NKAIN2: variants seen among roughly 807,000 people sequenced by gnomAD.
NKAIN2 encodes sodium/potassium-transporting ATPase subunit beta-1-interacting protein 2.
Under a neutral mutation model 32.6 loss-of-function variants are expected in NKAIN2, and 14 were observed. That is an observed-to-expected ratio of 0.43 (90% CI 0.28 to 0.67). The LOEUF (loss-of-function observed/expected upper bound fraction) is 0.67, where lower values mean the gene tolerates loss of function less well. Among genes scored for constraint, NKAIN2 ranks in the 30% least tolerant of loss-of-function variants. The pLI, the probability that NKAIN2 is intolerant of heterozygous loss-of-function variation, is 0.17. For synonymous variants in NKAIN2, 80 were observed against 87.2 expected (o/e 0.92, Z 0.46); for missense variants, 198 against 258.3 (o/e 0.77, Z 1.60).
chr6:124,398,372 G>T (rs1041181961), intron 3 of NKAIN2, among the ~76,000 whole-genome samples: 2 of 151,740 alleles, frequency 1.3e-5, no homozygotes, highest in African/African-American at 4.8e-5. Flanking sequence ...TGAGACGATG[G>T]CAGGATTCCA....
intron 1 of NKAIN2, among the ~76,000 whole-genome samples, chr6:124,214,973 C>T (rs369811790): frequency 2.7e-4 from 41 of 151,250 alleles, no homozygotes; most frequent in African/African-American, 8.5e-4. Flanking sequence ...GAAAAGCTGC[C>T]GATATATGAG....
At chr6:123,933,782 T>C (rs913302139) in intron 1 of NKAIN2, among the ~76,000 whole-genome samples, 4 of 152,234 alleles carry the variant, frequency 2.6e-5, no homozygotes, top group African/African-American at 4.8e-5. Flanking sequence ...TACCTTGTAC[T>C]CACTTTGAGT....
chr6:124,510,755 C>A (rs1215053601), intron 3 of NKAIN2, among the ~76,000 whole-genome samples: 1 of 152,006 alleles, frequency 6.6e-6, no homozygotes, highest in Non-Finnish European at 1.5e-5. Flanking sequence ...CTTCTTGTTA[C>A]AATTATTTTT....
chr6:124,625,356 A>G (rs894277451), intron 3 of NKAIN2, among the ~76,000 whole-genome samples: 3 of 152,120 alleles, frequency 2.0e-5, no homozygotes, highest in African/African-American at 7.2e-5. Context: ...TCTCACTGCC[A>G]CAGCAGGGGA....
chr6:124,566,706 A>G (rs572151122), intron 3 of NKAIN2, among the ~76,000 whole-genome samples: 3 of 152,160 alleles, frequency 2.0e-5, no homozygotes, highest in Non-Finnish European at 4.4e-5. Context: ...TCTTAATTTT[A>G]ATATACTAAT....
intron 3 of NKAIN2, among the ~76,000 whole-genome samples, chr6:124,558,915 C>T (rs193297894): frequency 6.6e-6 from 1 of 152,168 alleles, no homozygotes; most frequent in East Asian, 1.9e-4. Context: ...TACCATTGCG[C>T]TCCAGCTTGG....
At chr6:124,050,191 A>G (rs1276844487) in intron 1 of NKAIN2, among the ~76,000 whole-genome samples, 1 of 152,010 alleles carries the variant, frequency 6.6e-6, no homozygotes, top group African/African-American at 2.4e-5. Flanking sequence ...TGAAATGTTT[A>G]CCTTGACCCC....
chr6:124,271,819 T>C (rs923726114), intron 1 of NKAIN2, among the ~76,000 whole-genome samples: 3 of 152,150 alleles, frequency 2.0e-5, no homozygotes, highest in African/African-American at 7.2e-5. Flanking sequence ...GAGGAACTTA[T>C]TGGGAACTGG....
In NKAIN2 at chr6:124,075,159, C is replaced by G. The variant is rs994378230; in HGVS notation, c.55-207846C>G. ...ATCAGAGAAAAACTTCTGTTATTGT[C>G]GTTAAGTCTATAAACCTATTGGAAA... On this transcript the variant is annotated intron_variant, in intron 1 of 6. Coordinates refer to ENST00000368417, the MANE Select transcript of NKAIN2 (RefSeq NM_001040214.3). 3.7e-4 allele frequency among the ~76,000 whole-genome samples: 57 copies of G among 152,024 alleles called. 2 individuals carry two copies.
chr6:124,804,184 C>T (rs753650113), intron 5 of NKAIN2, among the ~76,000 whole-genome samples: 1 of 152,138 alleles, frequency 6.6e-6, no homozygotes. Flanking sequence ...ATATCAAGTA[C>T]TGGCATTATA....
chr6:124,415,621 G>A (rs1300916048), intron 3 of NKAIN2, among the ~76,000 whole-genome samples: 1 of 152,074 alleles, frequency 6.6e-6, no homozygotes, highest in Non-Finnish European at 1.5e-5. Context: ...CTAGATGATT[G>A]GAGGGTGAGA....
At position 123,804,066 on chromosome 6, in the gene NKAIN2, G is replaced by GGCA. The variant is rs755506777; in HGVS notation, c.-123_-121dup. ...AATGCCTGTCACTTCCCAGGACGCTGGCAGCAGCAGCAGCCCGGAGCCCCC... is the reference window on the plus strand; with the variant it reads ...AATGCCTGTCACTTCCCAGGACGCTGGCAGCAGCAGCAGCAGCCCGGAGCCCCC... On this transcript the variant is annotated 5_prime_UTR_variant, in exon 1 of 7. Transcript: ENST00000368417. The GGCA allele has an allele frequency of 1.5e-4, 125 of 833,148 alleles. No individual in the cohort carries two copies. The highest frequency in any genetic ancestry group is 8.2e-4 in the East Asian group (34 of 41,294). 51.6% of individuals were successfully genotyped at this position (833,148 alleles called of 1,614,324 possible). A position where few individuals can be genotyped will look rare whatever the true frequency, so the allele number is the denominator to read the frequency against.
intron 3 of NKAIN2, among the ~76,000 whole-genome samples, chr6:124,548,142 C>G (rs1780162152): frequency 2.0e-5 from 3 of 152,070 alleles, no homozygotes; most frequent in African/African-American, 7.2e-5. Context: ...GCAAAACTCA[C>G]CAAGGAATTG....
intron 1 of NKAIN2, among the ~76,000 whole-genome samples, chr6:123,855,180 A>T (rs1336410786): frequency 1.3e-5 from 2 of 152,232 alleles, no homozygotes; most frequent in African/African-American, 2.4e-5. Context: ...TGGGTTTTAA[A>T]TTTATCGCAT....
At chr6:123,818,354 AACACACACACACACAC>A (rs36066775) in intron 1 of NKAIN2, among the ~76,000 whole-genome samples, 3,327 of 144,606 alleles carry the variant, frequency 0.023, 126 homozygotes, top group African/African-American at 0.078. Flanking sequence ...TTCTTGTGGA[AACACACACACACACAC>A]ACACACACAC....
chr6:124,585,104 C>T (rs1030897763), intron 3 of NKAIN2, among the ~76,000 whole-genome samples: 9 of 152,148 alleles, frequency 5.9e-5, no homozygotes, highest in African/African-American at 2.2e-4. Context: ...GGTATTTATA[C>T]ACGATGGAGT....
At chr6:124,665,370 A>G (rs1772738119) in intron 4 of NKAIN2, among the ~76,000 whole-genome samples, 1 of 152,182 alleles carries the variant, frequency 6.6e-6, no homozygotes, top group African/African-American at 2.4e-5. Flanking sequence ...TGGTCAGCTG[A>G]TCTTCAACAA....
chr6:124,657,749 T>C lies in NKAIN2; in HGVS notation c.274-437T>C, dbSNP rs1431502027. 2.6e-5 allele frequency among the ~76,000 whole-genome samples: 4 copies of C among 151,904 alleles called. No individual in the cohort carries two copies. The East Asian group carries it at 7.7e-4, about 29-fold the overall frequency. Reference sequence around the variant, plus strand: ...TGTTAAATGTTGCAGAATTGAAGTATAGCTTTAAGATTTAAAATGTGTGAA... The same window carrying C: ...TGTTAAATGTTGCAGAATTGAAGTACAGCTTTAAGATTTAAAATGTGTGAA... On this transcript the variant is annotated intron_variant, in intron 3 of 6. Transcript: ENST00000368417.
At chr6:124,157,992 A>G (rs1788073577) in intron 1 of NKAIN2, among the ~76,000 whole-genome samples, 1 of 152,210 alleles carries the variant, frequency 6.6e-6, no homozygotes, top group Non-Finnish European at 1.5e-5. Context: ...CAAAAGTCTA[A>G]ATATCAAAAT....
Sources: gnomAD v4.1 joint callset for allele counts (sites outside exome capture counted in the v4.1 genomes callset) on GRCh38, gnomAD v4.1.1 for gene constraint, MANE v1.5 for transcripts, NCBI Gene and HGNC (gene_info 2026-07-23, HGNC 2026-07-21) for gene names.